Variants in IMMP2L observed in about 807,000 individuals in gnomAD.
The protein encoded by IMMP2L is inner mitochondrial membrane peptidase subunit 2, also known as mitochondrial inner membrane protease subunit 2.
Under a neutral mutation model 19.3 loss-of-function variants are expected in IMMP2L, and 18 were observed. That is an observed-to-expected ratio of 0.93 (90% CI 0.64 to 1.38). IMMP2L has a LOEUF of 1.38. IMMP2L is among the 40% of genes most tolerant of loss of function. The pLI, the probability that IMMP2L is intolerant of heterozygous loss-of-function variation, is 0.00. For missense variants in IMMP2L, 233 were observed against 218.2 expected (o/e 1.07, Z -0.43); for synonymous variants, 76 against 73.0 (o/e 1.04, Z -0.21).
At chr7:111,196,935 G>A (rs945895650) in intron 3 of IMMP2L, among the ~76,000 whole-genome samples, 1 of 152,098 alleles carries the variant, frequency 6.6e-6, no homozygotes, top group Admixed American at 6.5e-5. Flanking sequence ...TCGCTGAATA[G>A]GTATATCAAT....
chr7:111,546,384 T>C (rs184977462), intron 1 of IMMP2L, among the ~76,000 whole-genome samples: 1 of 152,258 alleles, frequency 6.6e-6, no homozygotes, highest in East Asian at 1.9e-4. Flanking sequence ...AAAAAAGGCA[T>C]CTCATTAGAG....
chr7:111,268,569 CTTTTTTTTTTTTTTTTTTTT>C (rs762576425), intron 3 of IMMP2L, among the ~76,000 whole-genome samples: 186 of 44,586 alleles, frequency 4.2e-3, no homozygotes, highest in African/African-American at 5.6e-3. Context: ...TCACATTTCT[CTTTTTTTTTTTTTTTTTTTT>C]TTTTTTTTTT....
chr7:111,121,412 T>C (rs760340170), intron 3 of IMMP2L, among the ~76,000 whole-genome samples: 1 of 152,134 alleles, frequency 6.6e-6, no homozygotes. Flanking sequence ...TTTGGTGTTT[T>C]AGACATGGAT....
Position 110,760,580 on chromosome 7 carries a change from A to G in IMMP2L, c.409-96859T>C, listed in dbSNP as rs542205442. ...CCAGGAGGGCAACTGCTGGGAAGGA[A>G]TGAAGTTCCTAGAAGATACCAATCC... On this transcript the variant is annotated intron_variant, in intron 5 of 5. Coordinates refer to ENST00000405709, the MANE Select transcript of IMMP2L (RefSeq NM_032549.4). The surrounding 1 kb of genome is among the most constrained non-coding windows in gnomAD (Gnocchi z 4.2). Among the ~76,000 whole-genome samples, 1 of 152,260 alleles carries G rather than the reference A, an allele frequency of 6.6e-6. No individual in the cohort carries two copies. Among genetic ancestry groups the G allele is most frequent in the East Asian group, 1.9e-4 (1 of 5,166 alleles).
At chr7:110,693,885 T>G (rs1310756000) in intron 5 of IMMP2L, among the ~76,000 whole-genome samples, 2 of 152,136 alleles carry the variant, frequency 1.3e-5, no homozygotes, top group Non-Finnish European at 2.9e-5. Context: ...CTGGGGTACT[T>G]GTGGTAGCAA....
intron 3 of IMMP2L, among the ~76,000 whole-genome samples, chr7:111,022,880 CT>C (rs11337436): frequency 0.7 from 105,755 of 151,978 alleles, 37,418 homozygotes; most frequent in African/African-American, 0.78. Context: ...GCTAACCTTT[CT>C]TTTTTTTATG....
intron 3 of IMMP2L, among the ~76,000 whole-genome samples, chr7:111,412,949 C>A (rs1015158254): frequency 6.6e-6 from 1 of 151,268 alleles, no homozygotes; most frequent in African/African-American, 2.4e-5. Flanking sequence ...AAAACAAACC[C>A]AAAGCTGCTT....
At chr7:110,868,135 G>T (rs188051084) in intron 5 of IMMP2L, among the ~76,000 whole-genome samples, 1 of 151,810 alleles carries the variant, frequency 6.6e-6, no homozygotes, top group Non-Finnish European at 1.5e-5. Flanking sequence ...GTGTGTGTGT[G>T]TGTGTGTGTA....
intron 3 of IMMP2L, among the ~76,000 whole-genome samples, chr7:111,346,829 G>T (rs998632842): frequency 1.3e-5 from 2 of 152,050 alleles, no homozygotes; most frequent in African/African-American, 2.4e-5. Context: ...TGTGGCTCTG[G>T]TCAGACTCTG....
At chr7:111,362,955 C>T (rs1335101726) in intron 3 of IMMP2L, among the ~76,000 whole-genome samples, 1 of 152,086 alleles carries the variant, frequency 6.6e-6, no homozygotes, top group Non-Finnish European at 1.5e-5. Context: ...ACTATGGAAA[C>T]TGAGGACTTA....
intron 3 of IMMP2L, 89 bp from the exon 4 acceptor site, chr7:110,963,654 T>A (rs1819211684): frequency 2.8e-6 from 2 of 712,954 alleles, no homozygotes; most frequent in Non-Finnish European, 4.5e-6. Flanking sequence ...ATAGGCTATA[T>A]TAAAGTCTTT....
chr7:111,080,684 C>A (rs1014638571), intron 3 of IMMP2L, among the ~76,000 whole-genome samples: 3 of 152,102 alleles, frequency 2.0e-5, no homozygotes, highest in Admixed American at 2.0e-4. Flanking sequence ...GGCTAAGGAT[C>A]ATCTTATAAA....
rs577593434 is a variant in IMMP2L at position 110,854,852 on chromosome 7, A to G, written c.408+31741T>C. Among the ~76,000 whole-genome samples the G allele has an allele frequency of 1.6e-4, 25 of 152,108 alleles. No individual in the cohort carries two copies. In the South Asian group the frequency reaches 2.3e-3, roughly 14 times the overall value. On this transcript the variant is annotated intron_variant, in intron 5 of 5. Transcript: ENST00000405709. Reference sequence around the variant, plus strand: ...ATTCTGGAATTCAGTGACTGTCCACATGCAGCCTAGTGCCTAGACTATATC... The same window carrying G: ...ATTCTGGAATTCAGTGACTGTCCACGTGCAGCCTAGTGCCTAGACTATATC...
intron 3 of IMMP2L, among the ~76,000 whole-genome samples, chr7:110,995,132 G>A (rs1272272885): frequency 1.3e-5 from 2 of 152,048 alleles, no homozygotes; most frequent in Admixed American, 1.3e-4. Flanking sequence ...TACCAAGACC[G>A]AGAACTCAGA....
intron 1 of IMMP2L, among the ~76,000 whole-genome samples, chr7:111,541,668 G>T (rs1222078833): frequency 6.6e-6 from 1 of 152,032 alleles, no homozygotes. Context: ...AAATGGCTTA[G>T]AAAGAAAATT....
At chr7:110,945,383 G>A (rs1283372029) in intron 4 of IMMP2L, among the ~76,000 whole-genome samples, 1 of 151,926 alleles carries the variant, frequency 6.6e-6, no homozygotes, top group East Asian at 1.9e-4. Flanking sequence ...AAATAATGAA[G>A]GCCTGGTAAC....
chr7:111,497,784 A>C (rs1168251590), intron 2 of IMMP2L, among the ~76,000 whole-genome samples: 3 of 151,992 alleles, frequency 2.0e-5, no homozygotes, highest in African/African-American at 7.2e-5. Context: ...AAGTGGGCTA[A>C]CATAGTATCT....
rs1346844020 is a variant in IMMP2L at position 111,213,449 on chromosome 7, G to A, written c.240-249884C>T. Among the ~76,000 whole-genome samples the A allele has an allele frequency of 1.3e-5, 2 of 152,116 alleles. No individual in the cohort carries two copies. The highest frequency in any genetic ancestry group is 2.9e-5 in the Non-Finnish European group (2 of 68,022). On this transcript the variant is annotated intron_variant, in intron 3 of 5. Coordinates refer to ENST00000405709, the MANE Select transcript of IMMP2L (RefSeq NM_032549.4). This position sits in a 1 kb window ranked among gnomAD's most constrained non-coding sequence, Gnocchi z 4.8. The stretch of plus-strand genomic sequence containing the variant: ...GCAGACGCGCTCCTGAGTGGAAGGG[G>A]GTGGGTCCCTAGCAAGGCCCCACCT...
chr7:111,392,551 A>G (rs1247697992), intron 3 of IMMP2L, among the ~76,000 whole-genome samples: 1 of 152,156 alleles, frequency 6.6e-6, no homozygotes, highest in Non-Finnish European at 1.5e-5. Context: ...TCAAGTGAGA[A>G]GTGTTTTTCC....
Sources: gnomAD v4.1 joint callset for allele counts (sites outside exome capture counted in the v4.1 genomes callset) on GRCh38, gnomAD v4.1.1 for gene constraint, Gnocchi (gnomAD v3.1) non-coding constraint, MANE v1.5 for transcripts, NCBI Gene and HGNC (gene_info 2026-07-23, HGNC 2026-07-21) for gene names.